Variants in TUT4 observed in about 807,000 individuals in gnomAD.
TUT4 encodes the protein terminal uridylyl transferase 4, also known as terminal uridylyltransferase 4.
TUT4 carries 36 observed loss-of-function variants against 192.2 expected under a neutral mutation model. The ratio of observed to expected loss-of-function variants is 0.19; its 90% CI spans 0.14 to 0.25. TUT4 has a LOEUF of 0.25. Among genes scored for constraint, TUT4 ranks in the 10% least tolerant of loss-of-function variants. TUT4 has a pLI of 1.00. For synonymous variants in TUT4, 618 were observed against 666.0 expected, an observed-to-expected ratio of 0.93 and a Z score of 1.11; for missense variants, 1,493 against 1,957.2, an observed-to-expected ratio of 0.76 and a Z score of 4.47.
intron 24 of TUT4, among the ~76,000 whole-genome samples, chr1:52,440,072 A>C (rs2148333210): frequency 6.6e-6 from 1 of 152,372 alleles, no homozygotes; most frequent in Admixed American, 6.5e-5. Flanking sequence ...AAAATAGGCA[A>C]ATCTACAGAG....
At chr1:52,479,648 A>G (rs1280868055) in intron 11 of TUT4, among the ~76,000 whole-genome samples, 1 of 152,148 alleles carries the variant, frequency 6.6e-6, no homozygotes, top group East Asian at 1.9e-4. Context: ...CTAAGTGTGG[A>G]GCAAGTTTGA....
chr1:52,446,738 C>T, intron 20 of TUT4, 71 bp from the exon 21 acceptor site: 1 of 1,110,798 alleles, frequency 9.0e-7, no homozygotes, highest in Admixed American at 2.4e-5. Flanking sequence ...ACTCTAATAC[C>T]ATTTTAGAAT....
At chr1:52,498,804 T>C (rs1177024396) in intron 4 of TUT4, among the ~76,000 whole-genome samples, 1 of 148,186 alleles carries the variant, frequency 6.7e-6, no homozygotes, top group Non-Finnish European at 1.5e-5. Flanking sequence ...GGAGAATCGT[T>C]TCAACCTCGG....
chr1:52,515,222 A>C (rs890328483), intron 3 of TUT4: 2 of 152,528 alleles, frequency 1.3e-5, no homozygotes, highest in African/African-American at 4.8e-5. Flanking sequence ...TTCAATAAAT[A>C]CAGGTTCAAT....
At chr1:52,430,897 C>T in intron 28 of TUT4, 116 bp downstream of exon 28, 1 of 1,170,264 alleles carries the variant, frequency 8.5e-7, no homozygotes, top group Non-Finnish European at 1.2e-6. Flanking sequence ...TTTATCTAAT[C>T]CTGTACTGTC....
In TUT4 at chr1:52,464,357, C is replaced by A. The variant is rs564354013; in HGVS notation, c.3069+713G>T. Among the ~76,000 whole-genome samples, 3 of 152,006 alleles carry A rather than the reference C, an allele frequency of 2.0e-5. No individual in the cohort carries two copies. In the East Asian group the frequency reaches 5.8e-4, roughly 29 times the overall value. On this transcript the variant is annotated intron_variant, in intron 16 of 29. Coordinates refer to ENST00000257177, the MANE Select transcript of TUT4 (RefSeq NM_001009881.3). Reference sequence around the variant, plus strand: ...GCAACCTCCGCCTCCTGGGTTCAAGCGATTCTCCTGCCTCAGCCTCCTGAG... The same window carrying A: ...GCAACCTCCGCCTCCTGGGTTCAAGAGATTCTCCTGCCTCAGCCTCCTGAG...
intron 24 of TUT4, among the ~76,000 whole-genome samples, chr1:52,444,566 A>C (rs1443960224): frequency 1.3e-5 from 2 of 151,378 alleles, no homozygotes; most frequent in East Asian, 3.9e-4. Context: ...CAAACTATTA[A>C]TCCTGGGTGT....
intron 9 of TUT4, among the ~76,000 whole-genome samples, chr1:52,487,549 G>C (rs987887404): frequency 2.6e-5 from 4 of 152,078 alleles, no homozygotes; most frequent in African/African-American, 9.7e-5. Context: ...TAAGATAAAT[G>C]AGAGGAAGTA....
intron 1 of TUT4, among the ~76,000 whole-genome samples, chr1:52,530,898 G>A (rs1346455352): frequency 6.6e-6 from 1 of 152,132 alleles, no homozygotes; most frequent in Non-Finnish European, 1.5e-5. Flanking sequence ...AGCTACTTGG[G>A]AGGCTGAGGT....
At chr1:52,456,613 T>C (rs1661059331) in intron 20 of TUT4, among the ~76,000 whole-genome samples, 3 of 151,840 alleles carry the variant, frequency 2.0e-5, no homozygotes, top group Non-Finnish European at 4.4e-5. Context: ...TACTATATGA[T>C]TCCAACAATA....
At chr1:52,438,943 G>A (rs902522005) in intron 24 of TUT4, among the ~76,000 whole-genome samples, 3 of 152,050 alleles carry the variant, frequency 2.0e-5, no homozygotes, top group African/African-American at 4.8e-5. Context: ...GGTGGCGTGT[G>A]CCTGTAGTCC....
intron 2 of TUT4, among the ~76,000 whole-genome samples, chr1:52,517,994 A>T (rs182635656): frequency 7.2e-5 from 11 of 152,342 alleles, no homozygotes; most frequent in Non-Finnish European, 1.6e-4. Context: ...AAATATATGA[A>T]ATTATTTAAT....
Position 52,525,581 on chromosome 1 carries a change from C to G in TUT4, c.700G>C (p.Asp234His). The change falls in exon 2 of 30, where the codon GAC (aspartate) becomes CAC (histidine). Residue 234 changes from aspartate to histidine, a missense_variant. This residue lies in a region of TUT4 where 437 missense variants were observed against 577.6 expected (regional missense o/e 0.76). Coordinates refer to ENST00000257177, the MANE Select transcript of TUT4 (RefSeq NM_001009881.3). Reference sequence around the variant, plus strand: ...GACTTACTTAAATCGTCCGATACGTCTTCAATTCCTGAAGCACTATCATCA... The same window carrying G: ...GACTTACTTAAATCGTCCGATACGTGTTCAATTCCTGAAGCACTATCATCA... ...DSDDSASGIEDVSDDLSKMKN... is the reference protein window; with the variant it reads ...DSDDSASGIEHVSDDLSKMKN... 6.2e-7 allele frequency: 1 copy of G among 1,609,526 alleles called. No individual in the cohort carries two copies. The highest frequency in any genetic ancestry group is 8.5e-7 in the Non-Finnish European group (1 of 1,177,432).
intron 20 of TUT4, among the ~76,000 whole-genome samples, chr1:52,451,586 A>T (rs1025346123): frequency 6.6e-6 from 1 of 152,200 alleles, no homozygotes; most frequent in Non-Finnish European, 1.5e-5. Context: ...TCACGCCTGT[A>T]ATCCCAGCAC....
Position 52,464,827 on chromosome 1 carries a change from C to T in TUT4, c.3069+243G>A, listed in dbSNP as rs1570591299. Reference sequence around the variant, plus strand: ...ATATATTTTTTCCCAAAATTCATTACAAATCACTGTAACTCTCAGTGACAT... The same window carrying T: ...ATATATTTTTTCCCAAAATTCATTATAAATCACTGTAACTCTCAGTGACAT... On this transcript the variant is annotated intron_variant, in intron 16 of 29. Transcript: ENST00000257177. The T allele has an allele frequency of 2.0e-5, 7 of 342,932 alleles. No individual in the cohort carries two copies. In the East Asian group the frequency reaches 3.3e-4, roughly 16 times the overall value. 21.2% of individuals were successfully genotyped at this position (342,932 alleles called of 1,614,324 possible).
intron 19 of TUT4, among the ~76,000 whole-genome samples, chr1:52,459,595 A>C (rs774638064): frequency 5.3e-5 from 8 of 152,080 alleles, no homozygotes; most frequent in Admixed American, 2.6e-4. Flanking sequence ...CCTCAAAAAT[A>C]AAAATAAAGG....
intron 9 of TUT4, among the ~76,000 whole-genome samples, chr1:52,483,041 C>A (rs373548090): frequency 3.3e-5 from 5 of 152,294 alleles, no homozygotes; most frequent in African/African-American, 1.2e-4. Context: ...GTGTTCACCC[C>A]TTCGAACACT....
intron 1 of TUT4, among the ~76,000 whole-genome samples, chr1:52,541,527 G>A (rs1181208225): frequency 9.5e-5 from 14 of 147,466 alleles, no homozygotes; most frequent in African/African-American, 1.3e-4. Flanking sequence ...GCGAGACTCC[G>A]TCTCAAAAAA....
chr1:52,425,011 A>T (rs3818405), intron 29 of TUT4: 15,579 of 175,756 alleles, frequency 0.089, 889 homozygotes, highest in East Asian at 0.19. Context: ...GCAAAAAAAA[A>T]ATTCCTGCAT....
Sources: gnomAD v4.1 joint callset for allele counts (sites outside exome capture counted in the v4.1 genomes callset) on GRCh38, gnomAD v4.1.1 for gene constraint, gnomAD v4.1.1 regional missense constraint, MANE v1.5 for transcripts, NCBI Gene and HGNC (gene_info 2026-07-23, HGNC 2026-07-21) for gene names.